EFNA5: variants seen among roughly 807,000 people sequenced by gnomAD.
EFNA5 encodes ephrin A5.
A neutral mutation model predicts 22.9 loss-of-function variants in EFNA5; 5 were observed. The ratio of observed to expected loss-of-function variants is 0.22; its 90% CI spans 0.11 to 0.46. The LOEUF is 0.46. Among genes scored for constraint, EFNA5 ranks in the 20% least tolerant of loss-of-function variants. The pLI is 0.99. For synonymous variants in EFNA5, 113 were observed against 112.2 expected (o/e 1.01, Z -0.04); for missense variants, 237 against 293.3 (o/e 0.81, Z 1.40).
At chr5:107,597,301 C>T (rs1561444901) in intron 1 of EFNA5, among the ~76,000 whole-genome samples, 1 of 152,154 alleles carries the variant, frequency 6.6e-6, no homozygotes. Context: ...ATAACATACA[C>T]AGTCTCGTCT....
At chr5:107,575,718 G>T (rs529053346) in intron 1 of EFNA5, among the ~76,000 whole-genome samples, 1 of 152,230 alleles carries the variant, frequency 6.6e-6, no homozygotes, top group African/African-American at 2.4e-5. Flanking sequence ...TCCACTATGA[G>T]AATTGGGCCA....
chr5:107,511,143 C>G (rs1424641095), intron 1 of EFNA5, among the ~76,000 whole-genome samples: 1 of 152,054 alleles, frequency 6.6e-6, no homozygotes, highest in African/African-American at 2.4e-5. Flanking sequence ...TCTCCTGTCT[C>G]AGCCTCTCTA....
chr5:107,496,521 C>T (rs921015238), intron 1 of EFNA5, among the ~76,000 whole-genome samples: 1 of 151,300 alleles, frequency 6.6e-6, no homozygotes. Context: ...TGAGAAGTAC[C>T]TTATCACAAC....
At chr5:107,586,269 G>A (rs576881076) in intron 1 of EFNA5, among the ~76,000 whole-genome samples, 47 of 152,146 alleles carry the variant, frequency 3.1e-4, no homozygotes, top group Middle Eastern at 6.8e-3. Flanking sequence ...TAAAGATACC[G>A]CATATCTAGA....
intron 1 of EFNA5, among the ~76,000 whole-genome samples, chr5:107,611,651 C>CAG (rs2112521242): frequency 6.6e-6 from 1 of 152,288 alleles, no homozygotes; most frequent in African/African-American, 2.4e-5. Context: ...TGACAGGACA[C>CAG]AGAGCATGAG....
At chr5:107,660,899 A>C (rs1750941588) in intron 1 of EFNA5, among the ~76,000 whole-genome samples, 1 of 152,138 alleles carries the variant, frequency 6.6e-6, no homozygotes, top group Admixed American at 6.5e-5. Context: ...TGGGTCACTA[A>C]ATTTTAATAA....
At chr5:107,487,110 GT>G (rs533584569) in intron 1 of EFNA5, among the ~76,000 whole-genome samples, 22 of 152,260 alleles carry the variant, frequency 1.4e-4, no homozygotes, top group African/African-American at 4.6e-4. Context: ...GTTTCCCAAT[GT>G]TATTTTTGCC....
intron 1 of EFNA5, among the ~76,000 whole-genome samples, chr5:107,492,764 C>T (rs1422859689): frequency 6.6e-6 from 1 of 152,040 alleles, no homozygotes; most frequent in Non-Finnish European, 1.5e-5. Flanking sequence ...CTTCGGAGGC[C>T]GAGGCGGGCG....
intron 1 of EFNA5, among the ~76,000 whole-genome samples, chr5:107,619,272 A>G (rs1308087514): frequency 3.3e-5 from 5 of 152,228 alleles, no homozygotes; most frequent in East Asian, 3.9e-4. Flanking sequence ...AGTAACCAAC[A>G]GCATTGAGAG....
chr5:107,384,476 G>A (rs947401690), intron 4 of EFNA5, among the ~76,000 whole-genome samples: 4 of 152,146 alleles, frequency 2.6e-5, no homozygotes, highest in African/African-American at 7.2e-5. Flanking sequence ...AGTACACATC[G>A]CTGAGATCAT....
chr5:107,574,246 T>A (rs1405637385), intron 1 of EFNA5, among the ~76,000 whole-genome samples: 1 of 152,176 alleles, frequency 6.6e-6, no homozygotes. Context: ...GCTTCAAACA[T>A]CACTAAATGG....
chr5:107,645,090 C>T (rs929490222), intron 1 of EFNA5, among the ~76,000 whole-genome samples: 20 of 152,124 alleles, frequency 1.3e-4, no homozygotes, highest in Non-Finnish European at 2.8e-4. Flanking sequence ...GTTTGCTGCA[C>T]CTATCAATCC....
intron 1 of EFNA5, 57 bp downstream of exon 1, chr5:107,670,432 C>T (rs1348769633): frequency 2.0e-6 from 3 of 1,508,118 alleles, no homozygotes; most frequent in East Asian, 2.6e-5. Context: ...GCCGCCGCTC[C>T]TTCCGCAGGG....
intron 1 of EFNA5, among the ~76,000 whole-genome samples, chr5:107,664,866 G>A (rs188953170): frequency 8.0e-4 from 122 of 152,212 alleles, no homozygotes; most frequent in African/African-American, 2.6e-3. Flanking sequence ...ATATAGAATC[G>A]TCAACACAGA....
intron 1 of EFNA5, among the ~76,000 whole-genome samples, chr5:107,469,237 T>G (rs1408504896): frequency 6.6e-6 from 1 of 152,114 alleles, no homozygotes; most frequent in African/African-American, 2.4e-5. Flanking sequence ...GCTCCTCAAC[T>G]GCAGTTACAC....
intron 1 of EFNA5, among the ~76,000 whole-genome samples, chr5:107,445,362 G>A (rs1749363388): frequency 6.6e-6 from 1 of 152,150 alleles, no homozygotes; most frequent in African/African-American, 2.4e-5. Context: ...AAACCCCAAA[G>A]AGTATTTTAA....
At chr5:107,604,563 G>GA (rs1289119369) in intron 1 of EFNA5, among the ~76,000 whole-genome samples, 2 of 151,946 alleles carry the variant, frequency 1.3e-5, no homozygotes, top group Non-Finnish European at 2.9e-5. Flanking sequence ...AAATAACATG[G>GA]AAAAAGGAAT....
At chr5:107,538,446 G>T (rs1013215588) in intron 1 of EFNA5, among the ~76,000 whole-genome samples, 1 of 152,152 alleles carries the variant, frequency 6.6e-6, no homozygotes, top group Non-Finnish European at 1.5e-5. Flanking sequence ...CAAAAATTTA[G>T]ATGCCCAAAT....
intron 1 of EFNA5, among the ~76,000 whole-genome samples, chr5:107,562,346 G>GTC (rs1246271429): frequency 1.3e-5 from 2 of 151,858 alleles, no homozygotes; most frequent in Non-Finnish European, 2.9e-5. Flanking sequence ...CCCATCGTCT[G>GTC]TCTCTCTCTC....
Sources: gnomAD v4.1 joint callset for allele counts (sites outside exome capture counted in the v4.1 genomes callset) on GRCh38, gnomAD v4.1.1 for gene constraint, MANE v1.5 for transcripts, NCBI Gene and HGNC (gene_info 2026-07-23, HGNC 2026-07-21) for gene names.